Variants in SCAF8 observed in about 807,000 individuals in gnomAD.
The protein encoded by SCAF8 is SR-related CTD associated factor 8, also known as SR-related and CTD-associated factor 8.
Under a neutral mutation model 140.5 loss-of-function variants are expected in SCAF8, and 23 were observed. That is an observed-to-expected ratio of 0.16 (90% CI 0.12 to 0.23). SCAF8 has a LOEUF of 0.23. SCAF8 is among the 10% of genes least tolerant of loss of function. SCAF8 has a pLI of 1.00. For missense variants in SCAF8, 1,397 were observed against 1,555.7 expected, an observed-to-expected ratio of 0.90 and a Z score of 1.72; for synonymous variants, 575 against 528.9, an observed-to-expected ratio of 1.09 and a Z score of -1.20.
At chr6:154,770,388 A>ACACACTCTCTCTCTCT (rs1384942827) in intron 1 of SCAF8, among the ~76,000 whole-genome samples, 3 of 141,918 alleles carry the variant, frequency 2.1e-5, no homozygotes, top group Admixed American at 7.0e-5. Context: ...ACACACACAC[A>ACACACTCTCTCTCTCT]CTCTCTCTCT....
chr6:154,823,207 G>A, intron 16 of SCAF8, among the ~76,000 whole-genome samples: 1 of 152,176 alleles, frequency 6.6e-6, no homozygotes, highest in Non-Finnish European at 1.5e-5. Context: ...GGAATGAGAT[G>A]GATGGTGGGT....
intron 17 of SCAF8, 56 bp downstream of exon 17, chr6:154,824,434 G>GT: frequency 6.7e-7 from 1 of 1,486,438 alleles, no homozygotes; most frequent in East Asian, 2.3e-5. Flanking sequence ...TTTAAGTTGT[G>GT]TTTCTTCCAG....
chr6:154,814,035 A>G (rs554004748), intron 12 of SCAF8, among the ~76,000 whole-genome samples: 1 of 152,248 alleles, frequency 6.6e-6, no homozygotes, highest in Non-Finnish European at 1.5e-5. Flanking sequence ...TTGTTATAGC[A>G]GCAATAAAAA....
At chr6:154,817,896 C>T (rs1332619985) in intron 13 of SCAF8, among the ~76,000 whole-genome samples, 1 of 152,088 alleles carries the variant, frequency 6.6e-6, no homozygotes, top group Non-Finnish European at 1.5e-5. Flanking sequence ...AACACTGAGG[C>T]TATTTTCTTT....
At chr6:154,735,038 C>A (rs182751383) in intron 1 of SCAF8, among the ~76,000 whole-genome samples, 1 of 151,536 alleles carries the variant, frequency 6.6e-6, no homozygotes, top group Non-Finnish European at 1.5e-5. Context: ...GCAGGAGAAT[C>A]GCTTGAACCT....
chr6:154,815,093 C>A (rs1180681917), intron 12 of SCAF8, among the ~76,000 whole-genome samples: 1 of 152,020 alleles, frequency 6.6e-6, no homozygotes, highest in South Asian at 2.1e-4. Context: ...GTCAGGAGAT[C>A]GAGACCATCC....
chr6:154,767,507 C>T (rs74486372), intron 1 of SCAF8, among the ~76,000 whole-genome samples: 7,361 of 147,828 alleles, frequency 0.05, 522 homozygotes, highest in African/African-American at 0.16. Context: ...TCTTGTTTGG[C>T]AGAAGCTGCT....
rs1389009548 is a variant in SCAF8 at position 154,832,969 on chromosome 6, T to A, written c.3390T>A (p.Phe1130Leu). Residue 1130 changes from phenylalanine (F) to leucine (L), a missense_variant, in exon 20 of 20, where the codon TTT becomes TTA. Phe to Leu is a conservative substitution (Grantham distance 22). Transcript: ENST00000367178. The stretch of plus-strand genomic sequence containing the variant: ...GATTTCGGTCTGGAAACTATCGATT[T>A]GATCCTAGAAGTGGTCCTTGGAACC... ...RGRFRSGNYR[F>L]DPRSGPWNRG... 4 of 1,614,006 alleles carry A rather than the reference T, an allele frequency of 2.5e-6. No homozygotes were observed. Among genetic ancestry groups the A allele is most frequent in the Non-Finnish European group, 3.4e-6 (4 of 1,180,010 alleles).
intron 1 of SCAF8, among the ~76,000 whole-genome samples, chr6:154,758,018 C>G (rs1779009389): frequency 6.7e-6 from 1 of 149,408 alleles, no homozygotes; most frequent in Non-Finnish European, 1.5e-5. Flanking sequence ...TCAAGTGATT[C>G]TTCCACCTCA....
chr6:154,814,686 T>G (rs778270416), intron 12 of SCAF8, among the ~76,000 whole-genome samples: 1 of 152,154 alleles, frequency 6.6e-6, no homozygotes, highest in Admixed American at 6.5e-5. Flanking sequence ...ATATAACATA[T>G]GAAAATTCTG....
intron 3 of SCAF8, among the ~76,000 whole-genome samples, chr6:154,781,324 T>C (rs1411199225): frequency 1.3e-5 from 2 of 152,122 alleles, no homozygotes; most frequent in Non-Finnish European, 2.9e-5. Context: ...AAACCACTGC[T>C]CAAGGAAATC....
At chr6:154,758,789 T>C in intron 1 of SCAF8, among the ~76,000 whole-genome samples, 1 of 152,160 alleles carries the variant, frequency 6.6e-6, no homozygotes, top group East Asian at 1.9e-4. Flanking sequence ...ACCAGTGTGG[T>C]AACAGGGTCT....
chr6:154,759,820 C>G (rs866770039), intron 1 of SCAF8, among the ~76,000 whole-genome samples: 2 of 152,002 alleles, frequency 1.3e-5, no homozygotes, highest in Non-Finnish European at 2.9e-5. Context: ...CGCCTGCCAC[C>G]ACGCCCGGCT....
In SCAF8 at chr6:154,831,158, A is replaced by C. The variant is rs1019450156; in HGVS notation, c.2359+18A>C. On this transcript the variant is annotated intron_variant, in intron 19 of 19. Transcript: ENST00000367178. ...CAGATCAGGTAAATAATAATAATAA[A>C]ATTTAAAAAAAGAGGTTGCCTCTCT... is the stretch of plus-strand genomic sequence containing the variant. 4 of 1,442,110 alleles carry C rather than the reference A, an allele frequency of 2.8e-6. No individual in the cohort carries two copies. In the Admixed American group the frequency reaches 6.6e-5, roughly 24 times the overall value. 89.3% of individuals were successfully genotyped at this position (1,442,110 alleles called of 1,614,324 possible). A position where few individuals can be genotyped will look rare whatever the true frequency, so the allele number is the denominator to read the frequency against.
chr6:154,789,926 T>C (rs1019257627), intron 4 of SCAF8, among the ~76,000 whole-genome samples: 1 of 152,050 alleles, frequency 6.6e-6, no homozygotes, highest in African/African-American at 2.4e-5. Context: ...AATGTACTAA[T>C]CTGAAATTTT....
At chr6:154,762,277 G>A (rs1776428114) in intron 1 of SCAF8, among the ~76,000 whole-genome samples, 1 of 152,222 alleles carries the variant, frequency 6.6e-6, no homozygotes, top group African/African-American at 2.4e-5. Context: ...GGTGATGGAG[G>A]TGTTTTCCAG....
chr6:154,738,064 A>G (rs1778473536), intron 1 of SCAF8, among the ~76,000 whole-genome samples: 1 of 151,578 alleles, frequency 6.6e-6, no homozygotes, highest in African/African-American at 2.4e-5. Flanking sequence ...GTGTGTCTGT[A>G]GTCTTAGCTA....
chr6:154,828,059 C>T (rs1161877790), intron 18 of SCAF8, among the ~76,000 whole-genome samples: 1 of 152,112 alleles, frequency 6.6e-6, no homozygotes, highest in African/African-American at 2.4e-5. Flanking sequence ...TTGATTCACT[C>T]TTGGTGTTTT....
intron 1 of SCAF8, among the ~76,000 whole-genome samples, chr6:154,771,867 A>G (rs1229414330): frequency 6.6e-6 from 1 of 152,186 alleles, no homozygotes; most frequent in African/African-American, 2.4e-5. Context: ...TGTACCCCCG[A>G]ATTCTAAAAT....
Sources: gnomAD v4.1 joint callset for allele counts (sites outside exome capture counted in the v4.1 genomes callset) on GRCh38, gnomAD v4.1.1 for gene constraint, MANE v1.5 for transcripts, NCBI Gene and HGNC (gene_info 2026-07-23, HGNC 2026-07-21) for gene names.